The following DEDD variants were observed in gnomAD, a reference collection of about 807,000 sequenced individuals.
DEDD encodes the protein death effector domain-containing protein.
In DEDD, 3 loss-of-function variants were observed where a neutral mutation model predicts 29.2. The observed-to-expected ratio is 0.10, with a 90% confidence interval of 0.05 to 0.27. The LOEUF (loss-of-function observed/expected upper bound fraction) is 0.27. Ranked by LOEUF, DEDD falls within the 10% of genes least tolerant of loss-of-function variation. The pLI is 1.00. For missense variants in DEDD, 261 were observed against 420.5 expected (o/e 0.62, Z 3.32); for synonymous variants, 152 against 161.3 (o/e 0.94, Z 0.44).
chr1:161,126,348 T>C (rs1191393505), intron 2 of DEDD, among the ~76,000 whole-genome samples: 2 of 149,776 alleles, frequency 1.3e-5, no homozygotes, highest in South Asian at 4.3e-4. Context: ...AAACTCTTTT[T>C]TTTTTTTTTT....
intron 1 of DEDD, among the ~76,000 whole-genome samples, chr1:161,131,573 A>G (rs1656672993): frequency 6.6e-6 from 1 of 152,136 alleles, no homozygotes; most frequent in Admixed American, 6.6e-5. Flanking sequence ...TGTATTGCTA[A>G]TGCTAAAAAC....
rs1263957159 is a variant in DEDD, at chr1:161,122,885, G to C, written c.580+190C>G. On this transcript the variant is annotated intron_variant, in intron 5 of 5. Coordinates refer to ENST00000368006, the MANE Select transcript of DEDD (RefSeq NM_032998.3). The surrounding 1 kb of genome is among the most constrained non-coding windows in gnomAD (Gnocchi z 4.2). ...CCTGTGATGTAGTATTAACTAACAA[G>C]AGTTGAAATGTACCCTGCCACAATC... The C allele has an allele frequency of 6.8e-6, 7 of 1,035,426 alleles. No homozygotes were observed. The East Asian group carries it at 1.7e-4, about 26-fold the overall frequency. 64.1% of individuals were successfully genotyped at this position (1,035,426 alleles called of 1,614,324 possible).
At chr1:161,124,032 C>T in intron 3 of DEDD, 86 bp from the exon 4 acceptor site, 1 of 1,581,544 alleles carries the variant, frequency 6.3e-7, no homozygotes. Context: ...ACAACTTACT[C>T]TAAGTACTCC....
intron 2 of DEDD, among the ~76,000 whole-genome samples, chr1:161,127,450 G>A (rs915522347): frequency 1.4e-4 from 22 of 152,202 alleles, no homozygotes; most frequent in African/African-American, 5.1e-4. Flanking sequence ...AAGCTGAAGA[G>A]TAAGTAGGAA....
At chr1:161,125,863 C>A (rs951061467) in intron 2 of DEDD, among the ~76,000 whole-genome samples, 1 of 152,208 alleles carries the variant, frequency 6.6e-6, no homozygotes, top group Admixed American at 6.5e-5. Context: ...CTATCAATGA[C>A]CAATCACAGC....
intron 2 of DEDD, among the ~76,000 whole-genome samples, chr1:161,127,944 C>T (rs1656328102): frequency 6.6e-6 from 1 of 152,130 alleles, no homozygotes; most frequent in South Asian, 2.1e-4. Context: ...GCTTAAACCC[C>T]AGGAAATGAA....
chr1:161,128,828 G>A (rs1026615312), intron 2 of DEDD, among the ~76,000 whole-genome samples: 5 of 151,836 alleles, frequency 3.3e-5, no homozygotes, highest in East Asian at 3.9e-4. Context: ...AAAGCCTGTC[G>A]GACATACATG....
In DEDD at chr1:161,124,265, G is replaced by C; in HGVS notation, c.198C>G (p.Asp66Glu). Reference sequence around the variant, plus strand: ...CCTGGCGCTCCAGTGCCAATAAGAAGTCACGTCCATTTCGGATGAGTCCAC... The same window carrying C: ...CCTGGCGCTCCAGTGCCAATAAGAACTCACGTCCATTTCGGATGAGTCCAC... ...HERGLIRNGR[D>E]FLLALERQGR... The change falls in exon 3 of 6, where the codon GAC becomes GAG. Residue 66 changes from aspartate to glutamate, a missense_variant. Around this residue, in one of 2 missense-constraint regions of DEDD, gnomAD observed 203 missense variants for 268.7 expected, o/e 0.76. Coordinates refer to ENST00000368006, the MANE Select transcript of DEDD (RefSeq NM_032998.3). 1 of 1,614,234 alleles carries C rather than the reference G, an allele frequency of 6.2e-7. No individual in the cohort carries two copies. The highest frequency in any genetic ancestry group is 8.5e-7 in the Non-Finnish European group (1 of 1,180,048).
At chr1:161,131,603 T>A (rs1656674943) in intron 1 of DEDD, among the ~76,000 whole-genome samples, 1 of 152,106 alleles carries the variant, frequency 6.6e-6, no homozygotes, top group African/African-American at 2.4e-5. Flanking sequence ...CCTTTGCTCC[T>A]CCACACTTGG....
rs1262340460 is a variant in DEDD, at chr1:161,121,261, A to G, written c.*886T>C. 3.5e-6 allele frequency: 3 copies of G among 869,442 alleles called. No individual in the cohort carries two copies. The highest frequency in any genetic ancestry group is 2.4e-4 in the East Asian group (2 of 8,372). 53.9% of individuals were successfully genotyped at this position (869,442 alleles called of 1,614,324 possible). ...GTAGGAGTGGAGGAGGGGGAAGGAA[A>G]AAGGAATTACTTCACTTACACCTAT... is the stretch of plus-strand genomic sequence containing the variant. On this transcript the variant is annotated 3_prime_UTR_variant, in exon 6 of 6. Coordinates refer to ENST00000368006, the MANE Select transcript of DEDD (RefSeq NM_032998.3).
In DEDD at chr1:161,123,075, C is replaced by T; in HGVS notation, c.580G>A (p.Asp194Asn). ...CTCTGGAACCCTTGAACTTCCTCAC[C>T]ACATGTCTGCTTCTCCTTGGGATCT... ...TPDPKEKQTC[D>N]IRLRVRAEYC... The change falls in exon 5 of 6, where the codon GAC becomes AAC. Residue 194 changes from aspartate (D) to asparagine (N), a missense_variant and splice_region_variant. Asp to Asn is a conservative substitution (Grantham distance 23). Coordinates refer to ENST00000368006, the MANE Select transcript of DEDD (RefSeq NM_032998.3). 3 of 1,614,224 alleles carry T rather than the reference C, an allele frequency of 1.9e-6. No individual in the cohort carries two copies. Among genetic ancestry groups the T allele is most frequent in the Non-Finnish European group, 2.5e-6 (3 of 1,180,044 alleles).
rs1655638025 is a variant in DEDD at position 161,122,649 on chromosome 1, C to A, written c.581-126G>T. Reference sequence around the variant, plus strand: ...GGAATATCACCTGACAGCTTCTCTACCTCTTCCCCAGGACTATTTCTATGT... The same window carrying A: ...GGAATATCACCTGACAGCTTCTCTAACTCTTCCCCAGGACTATTTCTATGT... On this transcript the variant is annotated intron_variant, in intron 5 of 5. Transcript: ENST00000368006. This position sits in a 1 kb window ranked among gnomAD's most constrained non-coding sequence, Gnocchi z 4.2. The A allele has an allele frequency of 2.4e-6, 3 of 1,227,060 alleles. No individual in the cohort carries two copies. Among genetic ancestry groups the A allele is most frequent in the Non-Finnish European group, 3.4e-6 (3 of 892,326 alleles). 76.0% of individuals were successfully genotyped at this position (1,227,060 alleles called of 1,614,324 possible).
intron 2 of DEDD, among the ~76,000 whole-genome samples, chr1:161,129,188 C>T (rs1571238115): frequency 6.6e-6 from 1 of 152,168 alleles, no homozygotes; most frequent in East Asian, 1.9e-4. Flanking sequence ...TTCCTCAAGG[C>T]CATGTGCTTG....
At chr1:161,124,584 A>C in intron 2 of DEDD, 58 bp from the exon 3 acceptor site, 1 of 1,459,758 alleles carries the variant, frequency 6.9e-7, no homozygotes, top group Non-Finnish European at 9.0e-7. Flanking sequence ...AGTCTCATGC[A>C]TTCCCATATT....
In DEDD at chr1:161,122,084, G is replaced by C. The variant is rs1391995380; in HGVS notation, c.*63C>G. The C allele has an allele frequency of 3.6e-5, 57 of 1,571,470 alleles. No homozygotes were observed. The highest frequency in any genetic ancestry group is 4.8e-5 in the Non-Finnish European group (55 of 1,156,804). On this transcript the variant is annotated 3_prime_UTR_variant, in exon 6 of 6. Transcript: ENST00000368006. This position sits in a 1 kb window ranked among gnomAD's most constrained non-coding sequence, Gnocchi z 4.2. ...TTGGAAGGGTAGAGAACAAACCCCA[G>C]AACAGTGTAAGCTCCAGAGGTGGGT...
In DEDD at chr1:161,130,109, G is replaced by C. The variant is rs576310484; in HGVS notation, c.-65+706C>G. 2.0e-5 allele frequency among the ~76,000 whole-genome samples: 3 copies of C among 152,262 alleles called. No homozygotes were observed. The South Asian group carries it at 6.2e-4, about 32-fold the overall frequency. ...CTCTCTCAGAAGCCCTTAGGGGAAA[G>C]CGACATGAAAGAAATAAAAAAGAGT... On this transcript the variant is annotated intron_variant, in intron 2 of 5. Transcript: ENST00000368006.
chr1:161,125,300 A>G (rs537352721), intron 2 of DEDD: 2 of 152,328 alleles, frequency 1.3e-5, no homozygotes, highest in South Asian at 2.1e-4. Flanking sequence ...CAAAGATACA[A>G]GCATCCTTGG....
chr1:161,132,100 A>C (rs7517289), intron 1 of DEDD: 52,254 of 149,946 alleles, frequency 0.35, 9,257 homozygotes, highest in East Asian at 0.43. Context: ...TCTGACCTTT[A>C]CCCACCTCCT....
chr1:161,131,137 A>C (rs994166664), intron 1 of DEDD: 3 of 152,174 alleles, frequency 2.0e-5, no homozygotes, highest in African/African-American at 7.2e-5. Context: ...TGGGAAAACC[A>C]ATTACCCTCT....
Sources: gnomAD v4.1 joint callset for allele counts (sites outside exome capture counted in the v4.1 genomes callset) on GRCh38, gnomAD v4.1.1 for gene constraint, gnomAD v4.1.1 regional missense constraint, Gnocchi (gnomAD v3.1) non-coding constraint, MANE v1.5 for transcripts, NCBI Gene and HGNC (gene_info 2026-07-23, HGNC 2026-07-21) for gene names.